The following DLGAP1 variants were observed in gnomAD, a reference collection of about 807,000 sequenced individuals.
The protein encoded by DLGAP1 is DLG associated protein 1, also known as disks large-associated protein 1.
Under a neutral mutation model 90.8 loss-of-function variants are expected in DLGAP1, and 11 were observed. The ratio of observed to expected loss-of-function variants is 0.12; its 90% CI spans 0.08 to 0.20. DLGAP1 has a LOEUF of 0.20. Among genes scored for constraint, DLGAP1 ranks in the 10% least tolerant of loss-of-function variants. The pLI is 1.00. For synonymous variants in DLGAP1, 558 were observed against 540.7 expected (o/e 1.03, Z -0.44); for missense variants, 1,050 against 1,333.8 (o/e 0.79, Z 3.31).
intron 1 of DLGAP1, among the ~76,000 whole-genome samples, chr18:4,192,189 A>G (rs2077413476): frequency 6.6e-6 from 1 of 152,126 alleles, no homozygotes; most frequent in Non-Finnish European, 1.5e-5. Flanking sequence ...TTCTCATGAT[A>G]CCTCTCCTTT....
chr18:4,454,961 C>T lies in DLGAP1; in HGVS notation c.-267+45G>A, dbSNP rs1364516828. On this transcript the variant is annotated intron_variant, in intron 1 of 12. Transcript: ENST00000315677. This position sits in a 1 kb window ranked among gnomAD's most constrained non-coding sequence, Gnocchi z 4.7. ...GGAGCCACCCAGCGCGCCGCGACCGCCGCCGCCGCGCACGCCCCAGCCCCG... is the reference window on the plus strand; with the variant it reads ...GGAGCCACCCAGCGCGCCGCGACCGTCGCCGCCGCGCACGCCCCAGCCCCG... 2.0e-5 allele frequency: 3 copies of T among 150,558 alleles called. No individual in the cohort carries two copies. In the South Asian group the frequency reaches 6.0e-4, roughly 30 times the overall value. The allele number at this position is 150,558 out of a possible 1,614,324, so 9.3% of individuals were successfully genotyped here.
chr18:4,101,796 T>A (rs1055003383), intron 2 of DLGAP1, among the ~76,000 whole-genome samples: 1 of 151,980 alleles, frequency 6.6e-6, no homozygotes, highest in Non-Finnish European at 1.5e-5. Flanking sequence ...TACACACATA[T>A]ATAATATACA....
chr18:4,282,335 A>G (rs996914885), intron 1 of DLGAP1, among the ~76,000 whole-genome samples: 4 of 150,546 alleles, frequency 2.7e-5, no homozygotes, highest in Admixed American at 6.6e-5. Context: ...CTGCATTCCA[A>G]CCTGGGCAAC....
At chr18:4,376,723 C>T (rs1276356670) in intron 1 of DLGAP1, among the ~76,000 whole-genome samples, 1 of 152,100 alleles carries the variant, frequency 6.6e-6, no homozygotes, top group Non-Finnish European at 1.5e-5. Flanking sequence ...GTCAGTGATT[C>T]TTAATGGGTT....
intron 1 of DLGAP1, among the ~76,000 whole-genome samples, chr18:4,297,104 C>A (rs2080001352): frequency 6.6e-6 from 1 of 152,092 alleles, no homozygotes; most frequent in African/African-American, 2.4e-5. Context: ...ATAGTAGATG[C>A]TATAGAAAAT....
chr18:3,874,015 T>C, intron 4 of DLGAP1: 1 of 1,449,692 alleles, frequency 6.9e-7, no homozygotes, highest in South Asian at 1.4e-5. Context: ...ATTTGTCAGC[T>C]CTTCCAGTCT....
intron 2 of DLGAP1, among the ~76,000 whole-genome samples, chr18:4,147,738 G>T (rs1399653955): frequency 6.6e-6 from 1 of 152,144 alleles, no homozygotes; most frequent in Non-Finnish European, 1.5e-5. Flanking sequence ...TATTAAGATG[G>T]TAACTGACCA....
chr18:3,517,910 CCACT>C lies in DLGAP1; in HGVS notation c.2480-9253_2480-9250del, dbSNP rs1265915390. On this transcript the variant is annotated intron_variant, in intron 10 of 12. Coordinates refer to ENST00000315677, the MANE Select transcript of DLGAP1 (RefSeq NM_004746.4). This position sits in a 1 kb window ranked among gnomAD's most constrained non-coding sequence, Gnocchi z 4.1. Reference sequence around the variant, plus strand: ...TGCCTGGTTTGTTCTTCTCTCCAGACCACTCAAACTTCATCCATATCAACAAAAA... The same window carrying C: ...TGCCTGGTTTGTTCTTCTCTCCAGACCAAACTTCATCCATATCAACAAAAA... Among the ~76,000 whole-genome samples the C allele has an allele frequency of 6.6e-6, 1 of 152,002 alleles. No individual in the cohort carries two copies. The highest frequency in any genetic ancestry group is 2.4e-5 in the African/African-American group (1 of 41,404).
At chr18:3,923,806 A>G (rs1269809483) in intron 3 of DLGAP1, among the ~76,000 whole-genome samples, 1 of 152,226 alleles carries the variant, frequency 6.6e-6, no homozygotes, top group Non-Finnish European at 1.5e-5. Flanking sequence ...ACATTTTTGA[A>G]TAAATTTTTA....
At chr18:3,725,277 T>A (rs1359273213) in intron 7 of DLGAP1, among the ~76,000 whole-genome samples, 2 of 152,222 alleles carry the variant, frequency 1.3e-5, no homozygotes, top group Non-Finnish European at 2.9e-5. Flanking sequence ...CAGATACAAG[T>A]CTGCCTAGCT....
At chr18:4,267,908 C>T (rs765748812) in intron 1 of DLGAP1, among the ~76,000 whole-genome samples, 16 of 152,156 alleles carry the variant, frequency 1.1e-4, no homozygotes, top group Non-Finnish European at 1.9e-4. Flanking sequence ...CCAAAATATA[C>T]GATGCAGTGC....
At chr18:4,390,127 A>G (rs1212273578) in intron 1 of DLGAP1, among the ~76,000 whole-genome samples, 1 of 151,658 alleles carries the variant, frequency 6.6e-6, no homozygotes, top group East Asian at 1.9e-4. Flanking sequence ...TGGAGAGAAT[A>G]TATGTCCCCA....
chr18:4,021,297 G>GT (rs2149112518), intron 2 of DLGAP1, among the ~76,000 whole-genome samples: 1 of 152,226 alleles, frequency 6.6e-6, no homozygotes, highest in South Asian at 2.1e-4. Flanking sequence ...GGGTCATCAG[G>GT]GCAAGTCCTT....
rs577904534 is a variant in DLGAP1, at chr18:3,639,846, C to T, written c.1592-57598G>A. On this transcript the variant is annotated intron_variant, in intron 7 of 12. Transcript: ENST00000315677. ...CTCGGCTCACTGCAAGCTCCGCCTC[C>T]TGGGTTCACGCCATTCTCCTGCCTC... 1.8e-3 allele frequency among the ~76,000 whole-genome samples: 247 copies of T among 140,908 alleles called. 18 individuals carry two copies. The highest frequency in any genetic ancestry group is 6.4e-3 in the African/African-American group (238 of 37,054). 92.4% of individuals were successfully genotyped at this position (140,908 alleles called of 152,430 possible).
At chr18:3,824,826 G>A (rs540519984) in intron 4 of DLGAP1, among the ~76,000 whole-genome samples, 1 of 152,252 alleles carries the variant, frequency 6.6e-6, no homozygotes, top group East Asian at 1.9e-4. Flanking sequence ...GCATTCAAAC[G>A]GGCCAAAATA....
intron 5 of DLGAP1, among the ~76,000 whole-genome samples, chr18:3,799,332 CT>C (rs1269010861): frequency 6.6e-6 from 1 of 152,128 alleles, no homozygotes; most frequent in Non-Finnish European, 1.5e-5. Context: ...GGCATGGGTG[CT>C]ACCAGAAAGG....
chr18:4,126,510 G>A (rs902677097), intron 2 of DLGAP1, among the ~76,000 whole-genome samples: 4 of 152,128 alleles, frequency 2.6e-5, no homozygotes, highest in African/African-American at 4.8e-5. Flanking sequence ...TTGTATAAAT[G>A]GAGTATGCAT....
At chr18:3,916,206 G>A (rs1247753809) in intron 3 of DLGAP1, among the ~76,000 whole-genome samples, 2 of 152,200 alleles carry the variant, frequency 1.3e-5, no homozygotes, top group Non-Finnish European at 2.9e-5. Flanking sequence ...CGCTGCTTCA[G>A]AGACACCCAC....
chr18:3,982,481 A>G (rs2073753868), intron 3 of DLGAP1, among the ~76,000 whole-genome samples: 1 of 152,174 alleles, frequency 6.6e-6, no homozygotes, highest in Non-Finnish European at 1.5e-5. Context: ...TAGAAAATGC[A>G]TTTGCTTTTG....
Sources: gnomAD v4.1 joint callset for allele counts (sites outside exome capture counted in the v4.1 genomes callset) on GRCh38, gnomAD v4.1.1 for gene constraint, Gnocchi (gnomAD v3.1) non-coding constraint, MANE v1.5 for transcripts, NCBI Gene and HGNC (gene_info 2026-07-23, HGNC 2026-07-21) for gene names.